Variants in NEB observed in about 807,000 individuals in gnomAD.
The protein encoded by NEB is nebulin.
Under a neutral mutation model 952.2 loss-of-function variants are expected in NEB, and 512 were observed. The observed-to-expected ratio is 0.54, with a 90% CI of 0.50 to 0.58. The LOEUF is 0.58. Ranked by LOEUF, NEB falls within the 20% of genes least tolerant of loss-of-function variation. The pLI, the probability that NEB is intolerant of heterozygous loss-of-function variation, is 0.00. For missense variants in NEB, 8,428 were observed against 9,231.1 expected (o/e 0.91, Z 3.56); for synonymous variants, 2,900 against 3,149.8 (o/e 0.92, Z 2.66).
intron 153 of NEB, among the ~76,000 whole-genome samples, chr2:151,520,622 T>C (rs1417002180): frequency 6.6e-6 from 1 of 152,128 alleles, no homozygotes. Context: ...CTCAGCACTT[T>C]AGGAGGCCAA....
At position 151,650,705 on chromosome 2, in the gene NEB, C is replaced by G. The variant is rs368471624; in HGVS notation, c.7096G>C (p.Val2366Leu). The G allele has an allele frequency of 6.9e-5, 112 of 1,613,964 alleles. No individual in the cohort carries two copies. The highest frequency in any genetic ancestry group is 6.6e-4 in the Middle Eastern group (4 of 6,062). Residue 2366 changes from valine to leucine, a missense_variant, in exon 53 of 182, where the codon GTG becomes CTG. Val to Leu is a conservative substitution (Grantham distance 32, BLOSUM62 1). Coordinates refer to ENST00000397345, the MANE Select transcript of NEB (RefSeq NM_001164508.2). ...TCCTGACACTTCTTGGCCAGTACCA[C>G]TCCCAACATGTCCACTGGGCTGGAG... ...KFSSPVDMLG[V>L]VLAKKCQELV...
At chr2:151,625,132 A>G (rs2098494637) in intron 71 of NEB, among the ~76,000 whole-genome samples, 1 of 152,188 alleles carries the variant, frequency 6.6e-6, no homozygotes, top group Non-Finnish European at 1.5e-5. Flanking sequence ...CATTCTTTAA[A>G]AATTCTTTAA....
intron 173 of NEB, chr2:151,495,308 G>A (rs1228631012): frequency 6.6e-6 from 1 of 152,206 alleles, no homozygotes; most frequent in Non-Finnish European, 1.5e-5. Context: ...TTCTCAACGT[G>A]GGGTCCTTGG....
chr2:151,545,761 AG>A, intron 135 of NEB, 126 bp downstream of exon 135: 1 of 607,796 alleles, frequency 1.6e-6, no homozygotes, highest in Non-Finnish European at 2.9e-6. Flanking sequence ...CACAGTTAAG[AG>A]GGGAAATATT....
chr2:151,514,538 G>T, intron 158 of NEB, 110 bp from the exon 159 acceptor site: 1 of 883,478 alleles, frequency 1.1e-6, no homozygotes, highest in Non-Finnish European at 1.9e-6. Context: ...TCACAGTTTA[G>T]TAAGTAAAAA....
intron 3 of NEB, among the ~76,000 whole-genome samples, chr2:151,730,424 C>G (rs1279024311): frequency 1.3e-5 from 2 of 151,934 alleles, no homozygotes; most frequent in Non-Finnish European, 2.9e-5. Flanking sequence ...TACTTTTGTT[C>G]TACTTCTGAC....
At chr2:151,670,365 T>C (rs940176907) in intron 38 of NEB, among the ~76,000 whole-genome samples, 8 of 152,106 alleles carry the variant, frequency 5.3e-5, no homozygotes, top group Non-Finnish European at 1.0e-4. Flanking sequence ...AACTCTAAAA[T>C]TAACAAGTCA....
chr2:151,638,392 C>A lies in NEB; in HGVS notation c.8994+888G>T, dbSNP rs187350875. On this transcript the variant is annotated intron_variant, in intron 63 of 181. Coordinates refer to ENST00000397345, the MANE Select transcript of NEB (RefSeq NM_001164508.2). ...ACTAGTGATGTCATGTGAGGAATGC[C>A]CCGCAGCTTGGGATATTGGATTTGA... Among the ~76,000 whole-genome samples the A allele has an allele frequency of 1.3e-4, 20 of 152,242 alleles. 1 individual carries two copies. In the East Asian group the frequency reaches 3.3e-3, roughly 25 times the overall value.
intron 125 of NEB, among the ~76,000 whole-genome samples, chr2:151,554,599 G>A (rs2095527065): frequency 1.3e-5 from 2 of 152,126 alleles, no homozygotes; most frequent in Non-Finnish European, 2.9e-5. Flanking sequence ...ATAATACATG[G>A]CTATTTTACT....
chr2:151,512,905 A>G (rs1408442126), intron 160 of NEB, 68 bp from the exon 161 acceptor site: 11 of 1,032,082 alleles, frequency 1.1e-5, no homozygotes, highest in African/African-American at 3.2e-5. Context: ...GCTTGATTTG[A>G]TTAAGAGGTG....
Position 151,560,660 on chromosome 2 carries a change from T to C in NEB, c.19246A>G (p.Ser6416Gly). 2 of 1,612,356 alleles carry C rather than the reference T, an allele frequency of 1.2e-6. No homozygotes were observed. The highest frequency in any genetic ancestry group is 1.7e-6 in the Non-Finnish European group (2 of 1,179,322). The change falls in exon 124 of 182, where the codon AGC becomes GGC. Residue 6416 changes from serine (S) to glycine (G), a missense_variant. This residue lies in a region of NEB where 3,374 missense variants were observed against 3,651.5 expected (regional missense o/e 0.92). Transcript: ENST00000397345. ...AAGGTGCTGGAAGGCAGGATGTAGC[T>C]GGTGGCTTTCACTCTATCCCAGGCC... ...KEAWDRVKAT[S>G]YILPSSTLSL...
In NEB at chr2:151,675,239, T is replaced by A. The variant is rs758539066; in HGVS notation, c.3879+48A>T. 230 of 1,322,228 alleles carry A rather than the reference T, an allele frequency of 1.7e-4. 2 individuals carry two copies. Among genetic ancestry groups the A allele is most frequent in the Admixed American group, 7.3e-4 (37 of 50,766 alleles). 81.9% of individuals were successfully genotyped at this position (1,322,228 alleles called of 1,614,324 possible). ...ACCATCCTACTCTTAAAGTCTATAA[T>A]TTTATTGTCAGGTCCGAATTTCACA... On this transcript the variant is annotated intron_variant, in intron 35 of 181. Transcript: ENST00000397345.
chr2:151,522,867 A>C (rs921294340), intron 153 of NEB, among the ~76,000 whole-genome samples: 1 of 152,164 alleles, frequency 6.6e-6, no homozygotes, highest in African/African-American at 2.4e-5. Flanking sequence ...CAAAGTCAGA[A>C]CAGGGAAAGC....
chr2:151,503,577 GA>G (rs1280511601), intron 165 of NEB, 136 bp from the exon 166 acceptor site: 9 of 561,036 alleles, frequency 1.6e-5, no homozygotes, highest in South Asian at 5.4e-5. Flanking sequence ...GAACAGGGGG[GA>G]AAATTCCATG....
chr2:151,701,869 G>C (rs1416634974), intron 13 of NEB, among the ~76,000 whole-genome samples: 39 of 137,330 alleles, frequency 2.8e-4, no homozygotes, highest in Non-Finnish European at 3.9e-4. Context: ...ATTTCCTTCA[G>C]TTCTGCTCTG....
intron 46 of NEB, among the ~76,000 whole-genome samples, chr2:151,660,504 T>G (rs1369684038): frequency 6.6e-6 from 1 of 152,258 alleles, no homozygotes; most frequent in Non-Finnish European, 1.5e-5. Context: ...AGATATTGCA[T>G]GTAACACAGC....
At chr2:151,558,725 G>A (rs1410246839) in intron 124 of NEB, among the ~76,000 whole-genome samples, 2 of 152,162 alleles carry the variant, frequency 1.3e-5, no homozygotes, top group African/African-American at 4.8e-5. Flanking sequence ...AATGAATGGT[G>A]CTGGGAAAAC....
At chr2:151,683,671 T>TA (rs1462212099) in intron 28 of NEB, among the ~76,000 whole-genome samples, 2 of 152,070 alleles carry the variant, frequency 1.3e-5, no homozygotes, top group Non-Finnish European at 2.9e-5. Context: ...CCTCTACAAA[T>TA]AAAAAATAGA....
chr2:151,675,311 C>A lies in NEB; in HGVS notation c.3855G>T (p.Lys1285Asn). Residue 1285 changes from lysine to asparagine, a missense_variant, in exon 35 of 182, where the codon AAG (lysine) becomes AAT (asparagine). This residue lies in a region of NEB where 2,851 missense variants were observed against 2,791.5 expected (regional missense o/e 1.02). Transcript: ENST00000397345. ...SPDLPQFLQAKCNAYNISDVC... is the reference protein window; with the variant it reads ...SPDLPQFLQANCNAYNISDVC... ...CGTCACTTATATTGTAAGCATTGCA[C>A]TTGGCCTGGAGAAACTGAGGAAGAT... 6.3e-7 allele frequency: 1 copy of A among 1,592,398 alleles called. No homozygotes were observed. Among genetic ancestry groups the A allele is most frequent in the Non-Finnish European group, 8.6e-7 (1 of 1,166,862 alleles).
Sources: allele counts gnomAD v4.1 joint callset (sites outside exome capture counted in the v4.1 genomes callset), GRCh38; gene constraint gnomAD v4.1.1; regional missense constraint gnomAD v4.1.1; transcripts MANE v1.5; gene names NCBI Gene and HGNC (gene_info 2026-07-23, HGNC 2026-07-21).